ZNF14: variants seen among roughly 807,000 people sequenced by gnomAD.
ZNF14 encodes the protein gonadotropin inducible transcription repressor-4.
ZNF14 carries 9 observed loss-of-function variants against 11.3 expected under a neutral mutation model. The ratio of observed to expected loss-of-function variants is 0.80; its 90% CI spans 0.48 to 1.39. The LOEUF (loss-of-function observed/expected upper bound fraction) is 1.39, where lower values mean the gene tolerates loss of function less well. Among genes scored for constraint, ZNF14 ranks in the 40% most tolerant of loss-of-function variants. The pLI is 0.00. For missense variants in ZNF14, 711 were observed against 763.9 expected, an observed-to-expected ratio of 0.93 and a Z score of 0.82; for synonymous variants, 239 against 245.7, an observed-to-expected ratio of 0.97 and a Z score of 0.25.
intron 1 of ZNF14, among the ~76,000 whole-genome samples, chr19:19,718,409 G>A (rs2062383401): frequency 6.6e-6 from 1 of 152,214 alleles, no homozygotes; most frequent in South Asian, 2.1e-4. Flanking sequence ...CTGAAGAGAT[G>A]ATGAGTGATC....
chr19:19,711,291 C>T lies in ZNF14; in HGVS notation c.*61G>A, dbSNP rs2062358730. On this transcript the variant is annotated 3_prime_UTR_variant, in exon 4 of 4. Transcript: ENST00000344099. ...TCACACAGCTTCTGTCCAGTATGAACTCTTTTGTGTATTCAGAAGGAGCTG... is the reference window on the plus strand; with the variant it reads ...TCACACAGCTTCTGTCCAGTATGAATTCTTTTGTGTATTCAGAAGGAGCTG... 3 of 1,500,414 alleles carry T rather than the reference C, an allele frequency of 2.0e-6. No individual in the cohort carries two copies. The highest frequency in any genetic ancestry group is 2.7e-6 in the Non-Finnish European group (3 of 1,122,406). The allele number at this position is 1,500,414 out of a possible 1,614,324, so 92.9% of individuals were successfully genotyped here.
intron 1 of ZNF14, among the ~76,000 whole-genome samples, chr19:19,718,246 AT>A (rs1289770764): frequency 6.6e-6 from 1 of 152,222 alleles, no homozygotes; most frequent in East Asian, 1.9e-4. Flanking sequence ...AAGGGTTCTC[AT>A]GGAAATGTTG....
rs2062366348 is a variant in ZNF14 at position 19,712,903 on chromosome 19, A to AGT, written c.376_377dup (p.Gly127LeufsTer41). 1.2e-6 allele frequency: 2 copies of AGT among 1,613,982 alleles called. No homozygotes were observed. Among genetic ancestry groups the AGT allele is most frequent in the Non-Finnish European group, 1.7e-6 (2 of 1,179,990 alleles). On this transcript the variant is annotated frameshift_variant, in exon 4 of 4. Transcript: ENST00000344099. LOFTEE classifies it low-confidence loss of function (END_TRUNC). ...CCTGATACTCATTTGGTTTCTGTCC[A>AGT]GTGTGAGATCTCATGTGCCTATTAA...
intron 1 of ZNF14, among the ~76,000 whole-genome samples, chr19:19,716,350 G>A (rs917445259): frequency 2.6e-5 from 4 of 152,180 alleles, no homozygotes; most frequent in Non-Finnish European, 4.4e-5. Context: ...GTGCTGTAGC[G>A]TGATCTCGGC....
In ZNF14 at chr19:19,712,014, G is replaced by A. The variant is rs769865176; in HGVS notation, c.1267C>T (p.Gln423Ter). ...GAAAAACTGAAGGTTTTACCACATTGTTTACATTCATAGGGTTTCTCTCCA... is the reference window on the plus strand; with the variant it reads ...GAAAAACTGAAGGTTTTACCACATTATTTACATTCATAGGGTTTCTCTCCA... Reference protein sequence around the residue: ...HTGEKPYECKQCGKTFSFSSS... With the variant: ...HTGEKPYECK The change falls in exon 4 of 4, where the codon CAA becomes TAA. Residue 423 changes from glutamine (Q) to a stop codon, truncating the protein, a stop_gained. Coordinates refer to ENST00000344099, the MANE Select transcript of ZNF14 (RefSeq NM_021030.3). LOFTEE classifies it low-confidence loss of function (END_TRUNC). 2.5e-6 allele frequency: 4 copies of A among 1,613,830 alleles called. No individual in the cohort carries two copies. In the South Asian group the frequency reaches 3.3e-5, roughly 13 times the overall value.
chr19:19,724,265 G>A lies in ZNF14; in HGVS notation c.3+8691C>T, dbSNP rs2062401039. ...CACGCTGCTTTAAATGTGTCCCAGA[G>A]ATTCTGGTATGTTTTGTCTTTGTTC... On this transcript the variant is annotated intron_variant, in intron 1 of 3. Transcript: ENST00000344099. Among the ~76,000 whole-genome samples, 3 of 133,398 alleles carry A rather than the reference G, an allele frequency of 2.2e-5. 1 individual carries two copies. The highest frequency in any genetic ancestry group is 1.5e-4 in the Admixed American group (2 of 13,596). 87.5% of individuals were successfully genotyped at this position (133,398 alleles called of 152,430 possible).
chr19:19,713,746 G>GT (rs1469797776), intron 3 of ZNF14, among the ~76,000 whole-genome samples: 5 of 62,318 alleles, frequency 8.0e-5, no homozygotes, highest in South Asian at 6.2e-4. Context: ...ACTGTGCCAG[G>GT]CCTTTTTTTT....
chr19:19,728,549 GAACT>G, intron 1 of ZNF14, among the ~76,000 whole-genome samples: 1 of 115,958 alleles, frequency 8.6e-6, no homozygotes, highest in East Asian at 2.4e-4. Flanking sequence ...TATACTGGAA[GAACT>G]AACATGACAA....
chr19:19,718,237 A>C (rs983790956), intron 1 of ZNF14, among the ~76,000 whole-genome samples: 2 of 152,242 alleles, frequency 1.3e-5, no homozygotes, highest in Non-Finnish European at 2.9e-5. Context: ...TAATATACTA[A>C]GGGTTCTCAT....
intron 1 of ZNF14, among the ~76,000 whole-genome samples, chr19:19,718,796 C>T (rs1246209250): frequency 6.6e-6 from 1 of 152,056 alleles, no homozygotes; most frequent in African/African-American, 2.4e-5. Context: ...GACATTGTCA[C>T]ACTCTGTTGC....
In ZNF14 at chr19:19,730,730, T is replaced by C. The variant is rs531925414; in HGVS notation, c.3+2226A>G. On this transcript the variant is annotated intron_variant, in intron 1 of 3. Transcript: ENST00000344099. ...GAGTTCGAGACCAGCTTGATTAACA[T>C]GGAGAAACCCTGTCTCTACTAAAAA... is the stretch of plus-strand genomic sequence containing the variant. 2.6e-5 allele frequency among the ~76,000 whole-genome samples: 4 copies of C among 152,158 alleles called. No individual in the cohort carries two copies. In the South Asian group the frequency reaches 8.3e-4, roughly 32 times the overall value.
chr19:19,722,859 G>C (rs2062396771), intron 1 of ZNF14, among the ~76,000 whole-genome samples: 1 of 152,124 alleles, frequency 6.6e-6, no homozygotes, highest in Admixed American at 6.5e-5. Context: ...ATTGTGAATG[G>C]GAGTTCACTC....
intron 1 of ZNF14, among the ~76,000 whole-genome samples, chr19:19,719,838 A>G (rs1402219797): frequency 6.6e-6 from 1 of 152,242 alleles, no homozygotes; most frequent in Non-Finnish European, 1.5e-5. Flanking sequence ...GTTGAAAAGA[A>G]ACACATTTTA....
chr19:19,711,551 T>C lies in ZNF14; in HGVS notation c.1730A>G (p.His577Arg), dbSNP rs765459153. The stretch of plus-strand genomic sequence containing the variant: ...TTTCTCTCCCGTGTGAGTTCTCTCA[T>C]GCATTCGAAATTTACTGGAAGAAAT... ...AFISSSKFRM[H>R]ERTHTGEKPY... is the part of the protein sequence containing the mutation. Residue 577 changes from histidine (H) to arginine (R), a missense_variant, in exon 4 of 4, where the codon CAT becomes CGT. His to Arg is a conservative substitution (Grantham distance 29). Coordinates refer to ENST00000344099, the MANE Select transcript of ZNF14 (RefSeq NM_021030.3). The C allele has an allele frequency of 2.5e-6, 4 of 1,613,550 alleles. No individual in the cohort carries two copies. Among genetic ancestry groups the C allele is most frequent in the South Asian group, 1.1e-5 (1 of 90,986 alleles).
At chr19:19,724,144 T>C (rs2062400711) in intron 1 of ZNF14, among the ~76,000 whole-genome samples, 1 of 132,844 alleles carries the variant, frequency 7.5e-6, no homozygotes, top group Middle Eastern at 4.2e-3. Context: ...TGTTTGCTCT[T>C]GCTTCTCTAG....
At position 19,711,162 on chromosome 19, in the gene ZNF14, G is replaced by A; in HGVS notation, c.*190C>T. ...TTTGAAATGAATTAGGTCAACTGAA[G>A]GCTTAATCACAATGTTTACATTCAT... On this transcript the variant is annotated 3_prime_UTR_variant, in exon 4 of 4. Coordinates refer to ENST00000344099, the MANE Select transcript of ZNF14 (RefSeq NM_021030.3). 1.8e-6 allele frequency: 1 copy of A among 540,596 alleles called. No homozygotes were observed. 33.5% of individuals were successfully genotyped at this position (540,596 alleles called of 1,614,324 possible).
Position 19,732,990 on chromosome 19 carries a change from C to T in ZNF14, c.-32G>A, listed in dbSNP as rs370902359. 9 of 1,612,754 alleles carry T rather than the reference C, an allele frequency of 5.6e-6. No homozygotes were observed. The African/African-American group carries it at 1.1e-4, about 19-fold the overall frequency. ...GCGTCCGGGAAGTCACGGTGTCCTC[C>T]CTACGGATCTGTCAGTACCTGCAGG... On this transcript the variant is annotated 5_prime_UTR_variant, in exon 1 of 4. Transcript: ENST00000344099.
intron 1 of ZNF14, among the ~76,000 whole-genome samples, chr19:19,725,646 C>T (rs925184311): frequency 7.4e-6 from 1 of 134,322 alleles, no homozygotes; most frequent in Non-Finnish European, 1.7e-5. Context: ...TGGGGAAGTT[C>T]TCCTGGATAA....
At position 19,712,546 on chromosome 19, in the gene ZNF14, G is replaced by GT; in HGVS notation, c.734dup (p.His245GlnfsTer8). 6.2e-7 allele frequency: 1 copy of GT among 1,613,320 alleles called. No individual in the cohort carries two copies. The highest frequency in any genetic ancestry group is 8.5e-7 in the Non-Finnish European group (1 of 1,179,808). ...TACATTCATAGGGTTTCTCTCCAGTGTGAGTCCTTTTGTGTCTTTGAAAAG... is the reference window on the plus strand; with the variant it reads ...TACATTCATAGGGTTTCTCTCCAGTGTTGAGTCCTTTTGTGTCTTTGAAAAG... On this transcript the variant is annotated frameshift_variant, in exon 4 of 4. Coordinates refer to ENST00000344099, the MANE Select transcript of ZNF14 (RefSeq NM_021030.3). LOFTEE classifies it low-confidence loss of function (END_TRUNC).
Sources: allele counts gnomAD v4.1 joint callset (sites outside exome capture counted in the v4.1 genomes callset), GRCh38; gene constraint gnomAD v4.1.1; transcripts MANE v1.5; gene names NCBI Gene and HGNC (gene_info 2026-07-23, HGNC 2026-07-21).